The following CPT2 variants were observed in gnomAD, a reference collection of about 807,000 sequenced individuals.
The protein encoded by CPT2 is carnitine O-palmitoyltransferase 2, mitochondrial.
A neutral mutation model predicts 48.6 loss-of-function variants in CPT2; 37 were observed. The ratio of observed to expected loss-of-function variants is 0.76; its 90% CI spans 0.59 to 1.00. The LOEUF is 1.00. Ranked by LOEUF, CPT2 falls within the 50% of genes least tolerant of loss-of-function variation. The pLI is 0.00. For synonymous variants in CPT2, 319 were observed against 326.9 expected (o/e 0.98, Z 0.26); for missense variants, 772 against 825.6 (o/e 0.94, Z 0.80).
intron 2 of CPT2, 91 bp from the exon 3 acceptor site, chr1:53,202,232 C>T: frequency 2.0e-6 from 2 of 986,170 alleles, no homozygotes; most frequent in South Asian, 2.7e-5. Context: ...CTGTTGGGGA[C>T]CCAAAACTCT....
intron 1 of CPT2, chr1:53,200,197 C>G (rs948616632): frequency 1.4e-4 from 22 of 154,716 alleles, no homozygotes; most frequent in Non-Finnish European, 3.2e-4. Context: ...GCATGGCTCA[C>G]TGGTCGATTC....
intron 4 of CPT2, 172 bp from the exon 5 acceptor site, chr1:53,213,092 T>A (rs1645439833): frequency 1.6e-6 from 1 of 638,262 alleles, no homozygotes; most frequent in African/African-American, 1.8e-5. Context: ...TTTAAAATAA[T>A]CTAGCTTGAG....
rs201745292 is a variant in CPT2, at chr1:53,210,863, G to A, written c.1189G>A (p.Val397Ile). Residue 397 changes from valine (V) to isoleucine (I), a missense_variant, in exon 4 of 5, where the codon GTC becomes ATC. Coordinates refer to ENST00000371486, the MANE Select transcript of CPT2 (RefSeq NM_000098.3). ...TAAAGACAGCACTCAGACCCCTGCC[G>A]TCACTCCACAGAGCCAGCCAGCTAC... ...VFKDSTQTPAVTPQSQPATTD... is the reference protein window; with the variant it reads ...VFKDSTQTPAITPQSQPATTD... 37 of 1,614,100 alleles carry A rather than the reference G, an allele frequency of 2.3e-5. No individual in the cohort carries two copies. The highest frequency in any genetic ancestry group is 8.3e-5 in the Admixed American group (5 of 60,020).
chr1:53,211,581 C>G, intron 4 of CPT2: 1 of 486,270 alleles, frequency 2.1e-6, no homozygotes, highest in Admixed American at 3.7e-5. Flanking sequence ...AGCTGTGACG[C>G]ATTAATTCTT....
rs1448674105 is a variant in CPT2, at chr1:53,197,138, G to A, written c.152+43G>A. 2.6e-6 allele frequency: 4 copies of A among 1,535,676 alleles called. No individual in the cohort carries two copies. In the South Asian group the frequency reaches 4.8e-5, roughly 18 times the overall value. On this transcript the variant is annotated intron_variant, in intron 1 of 4. Coordinates refer to ENST00000371486, the MANE Select transcript of CPT2 (RefSeq NM_000098.3). ...GTCCCCGCCGCCCGCCGCCGTCCCA[G>A]GATCGGCCCCAACCTGACTGCAGTC...
At chr1:53,197,174 C>T (rs1408129093) in intron 1 of CPT2, 79 bp downstream of exon 1, 2 of 1,502,834 alleles carry the variant, frequency 1.3e-6, no homozygotes, top group African/African-American at 1.4e-5. Context: ...ACTCATGACT[C>T]CTCTAGTGAA....
chr1:53,201,027 G>T, intron 2 of CPT2: 1 of 572,706 alleles, frequency 1.7e-6, no homozygotes, highest in East Asian at 3.2e-5. Context: ...TTATAAGCCA[G>T]AATGCCAAAT....
intron 3 of CPT2, among the ~76,000 whole-genome samples, chr1:53,204,766 A>C (rs1480345847): frequency 6.6e-6 from 1 of 152,108 alleles, no homozygotes; most frequent in African/African-American, 2.4e-5. Flanking sequence ...CATGATAGTT[A>C]GTGGTTTCTC....
Position 53,212,167 on chromosome 1 carries a change from C to T in CPT2, c.1645+848C>T, listed in dbSNP as rs140245138. Among the ~76,000 whole-genome samples, 45 of 151,078 alleles carry T rather than the reference C, an allele frequency of 3.0e-4. No homozygotes were observed. In the East Asian group the frequency reaches 7.2e-3, roughly 24 times the overall value. On this transcript the variant is annotated intron_variant, in intron 4 of 4. Transcript: ENST00000371486. ...GCAACCTCTGCCTCCTGGGTTCAAG[C>T]GATTCTCCTGCCTCAGCCTCCTGAG...
Position 53,197,007 on chromosome 1 carries a change from A to C in CPT2, c.64A>C (p.Ser22Arg), listed in dbSNP as rs1645327051. The C allele has an allele frequency of 6.5e-7, 1 of 1,533,314 alleles. No individual in the cohort carries two copies. The highest frequency in any genetic ancestry group is 2.5e-5 in the East Asian group (1 of 40,330). The allele number at this position is 1,533,314 out of a possible 1,614,324, so 95.0% of individuals were successfully genotyped here. ...RGPAVGPGAP[S>R]RPLSAGSGPG... ...CCCCGCGGTTGGTCCGGGAGCCCCC[A>C]GTCGGCCCCTCAGCGCCGGCTCCGG... The change falls in exon 1 of 5, where the codon AGT becomes CGT. Residue 22 changes from serine to arginine, a missense_variant. Transcript: ENST00000371486.
intron 1 of CPT2, 145 bp from the exon 2 acceptor site, chr1:53,200,570 AAACC>A: frequency 1.4e-6 from 1 of 714,392 alleles, no homozygotes; most frequent in Non-Finnish European, 2.6e-6. Flanking sequence ...TGGCATTAGT[AAACC>A]CATTGATTCT....
At chr1:53,197,614 A>G (rs956979994) in intron 1 of CPT2, 2 of 223,128 alleles carry the variant, frequency 9.0e-6, no homozygotes, top group Non-Finnish European at 1.8e-5. Context: ...TTTCTCCAGT[A>G]CTCTGTTCTT....
rs762195160 is a variant in CPT2 at position 53,210,475 on chromosome 1, G to A, written c.801G>A (p.Ser267=). 1.7e-5 allele frequency: 28 copies of A among 1,613,896 alleles called. No individual in the cohort carries two copies. Among genetic ancestry groups the A allele is most frequent in the South Asian group, 9.9e-5 (9 of 91,074 alleles). ...LDQDGNIVSP[S]EIQAHLKYIL... ...AAGATGGGAACATTGTGAGCCCCTC[G>A]GAAATCCAGGCACATCTGAAGTACA... The change falls in exon 4 of 5, where the codon TCG becomes TCA. Residue 267 remains serine (S), a synonymous_variant. Transcript: ENST00000371486.
In CPT2 at chr1:53,200,754, G is replaced by A. The variant is rs748182542; in HGVS notation, c.188G>A (p.Arg63Lys). ...CCCAAACTTGAAGACACCATTAGGA[G>A]ATACCTCAGTGCACAGAAGCCTCTC... ...PIPKLEDTIR[R>K]YLSAQKPLLN... The change falls in exon 2 of 5, where the codon AGA becomes AAA. Residue 63 changes from arginine to lysine, a missense_variant. Coordinates refer to ENST00000371486, the MANE Select transcript of CPT2 (RefSeq NM_000098.3). The A allele has an allele frequency of 1.2e-5, 20 of 1,614,014 alleles. No homozygotes were observed. The Admixed American group carries it at 3.2e-4, about 26-fold the overall frequency.
chr1:53,200,077 C>T (rs1645345504), intron 1 of CPT2: 1 of 152,346 alleles, frequency 6.6e-6, no homozygotes, highest in South Asian at 2.1e-4. Flanking sequence ...ATCACCATAG[C>T]CATCTTTGGG....
chr1:53,213,192 TG>T, intron 4 of CPT2, 71 bp from the exon 5 acceptor site: 1 of 1,481,228 alleles, frequency 6.8e-7, no homozygotes, highest in Non-Finnish European at 9.4e-7. Context: ...TCCTACCATG[TG>T]GTGAGTTGGG....
chr1:53,212,235 T>A lies in CPT2; in HGVS notation c.1645+916T>A, dbSNP rs533584744. Among the ~76,000 whole-genome samples, 9 of 152,218 alleles carry A rather than the reference T, an allele frequency of 5.9e-5. No individual in the cohort carries two copies. In the South Asian group the frequency reaches 1.7e-3, roughly 28 times the overall value. ...TTATGCCACCATGCCCAGCTAATTTTTATATTTTCAATAGAGACGGGGTTT... is the reference window on the plus strand; with the variant it reads ...TTATGCCACCATGCCCAGCTAATTTATATATTTTCAATAGAGACGGGGTTT... On this transcript the variant is annotated intron_variant, in intron 4 of 4. Coordinates refer to ENST00000371486, the MANE Select transcript of CPT2 (RefSeq NM_000098.3).
At chr1:53,211,639 G>A (rs1212541180) in intron 4 of CPT2, 85 of 417,796 alleles carry the variant, frequency 2.0e-4, no homozygotes, top group African/African-American at 1.2e-3. Context: ...GTTTCCCTCC[G>A]TCCAGGCTGG....
intron 2 of CPT2, 134 bp downstream of exon 2, chr1:53,200,933 TGCAAGTTC>T (rs1645351033): frequency 1.3e-6 from 1 of 744,324 alleles, no homozygotes; most frequent in African/African-American, 1.7e-5. Flanking sequence ...GTTGTACATC[TGCAAGTTC>T]AGGAAATAGA....
Sources: allele counts gnomAD v4.1 joint callset (sites outside exome capture counted in the v4.1 genomes callset), GRCh38; gene constraint gnomAD v4.1.1; transcripts MANE v1.5; gene names NCBI Gene and HGNC (gene_info 2026-07-23, HGNC 2026-07-21).